C11orf65: variants seen among roughly 807,000 people sequenced by gnomAD.
The protein encoded by C11orf65 is chromosome 11 open reading frame 65.
A neutral mutation model predicts 35.3 loss-of-function variants in C11orf65; 38 were observed. That is an observed-to-expected ratio of 1.08 (90% confidence interval 0.83 to 1.41). C11orf65 has a LOEUF of 1.41. C11orf65 is among the 40% of genes most tolerant of loss of function. The pLI, the probability that C11orf65 is intolerant of heterozygous loss-of-function variation, is 0.00. For missense variants in C11orf65, 370 were observed against 367.1 expected (o/e 1.01, Z -0.06); for synonymous variants, 105 against 114.4 (o/e 0.92, Z 0.53).
At chr11:108,390,481 A>T (rs1384517397) in intron 7 of C11orf65, among the ~76,000 whole-genome samples, 1 of 152,202 alleles carries the variant, frequency 6.6e-6, no homozygotes, top group Non-Finnish European at 1.5e-5. Flanking sequence ...GACAGAATAT[A>T]GAATATCTGG....
At position 108,325,947 on chromosome 11, in the gene C11orf65, A is replaced by G. The variant is rs891367053; in HGVS notation, c.641-16876T>C. The G allele has an allele frequency of 5.3e-6, 7 of 1,319,872 alleles. No individual in the cohort carries two copies. The African/African-American group carries it at 7.3e-5, about 14-fold the overall frequency. 81.8% of individuals were successfully genotyped at this position (1,319,872 alleles called of 1,614,324 possible). A position where few individuals can be genotyped will look rare whatever the true frequency, so the allele number is the denominator to read the frequency against. ...AGAGGTCCTTAAGATAGTCCCTGACAAGTAGTTAAGTCCTCAATGAATGGT... is the reference window on the plus strand; with the variant it reads ...AGAGGTCCTTAAGATAGTCCCTGACGAGTAGTTAAGTCCTCAATGAATGGT... On this transcript the variant is annotated intron_variant, in intron 6 of 6. Transcript: ENST00000525729.
rs900439593 is a variant in C11orf65, at chr11:108,382,801, C to T, written c.*220G>A. ...TTACTTAAGTGTGACTGTTAGAATA[C>T]TACAGTTTCTCAGAATACTAGGAAT... is the stretch of plus-strand genomic sequence containing the variant. On this transcript the variant is annotated 3_prime_UTR_variant, in exon 9 of 9. Transcript: ENST00000393084. 2 of 983,796 alleles carry T rather than the reference C, an allele frequency of 2.0e-6. No individual in the cohort carries two copies. Among genetic ancestry groups the T allele is most frequent in the Non-Finnish European group, 2.4e-6 (2 of 828,606 alleles). The allele number at this position is 983,796 out of a possible 1,614,324, so 60.9% of individuals were successfully genotyped here. A position where few individuals can be genotyped will look rare whatever the true frequency, so the allele number is the denominator to read the frequency against.
At chr11:108,448,656 T>C (rs182885338) in intron 2 of C11orf65, among the ~76,000 whole-genome samples, 2 of 152,190 alleles carry the variant, frequency 1.3e-5, no homozygotes, top group Non-Finnish European at 2.9e-5. Flanking sequence ...GAGATATCTA[T>C]GACAATCCCA....
intron 2 of C11orf65, among the ~76,000 whole-genome samples, chr11:108,444,482 T>C (rs917169079): frequency 1.3e-5 from 2 of 152,082 alleles, no homozygotes; most frequent in African/African-American, 4.8e-5. Flanking sequence ...GCCAACATCA[T>C]CCTGACACCA....
chr11:108,353,715 A>G, intron 2 of C11orf65: 1 of 1,422,276 alleles, frequency 7.0e-7, no homozygotes, highest in Non-Finnish European at 9.9e-7. Context: ...AACTGGAAAG[A>G]AAGTAAATTA....
chr11:108,354,489 G>A (rs1485685567), intron 2 of C11orf65, among the ~76,000 whole-genome samples: 1 of 152,132 alleles, frequency 6.6e-6, no homozygotes, highest in Non-Finnish European at 1.5e-5. Flanking sequence ...ACTTGGATTG[G>A]GGCAGATTGC....
chr11:108,459,115 T>A (rs1233975755), intron 2 of C11orf65, among the ~76,000 whole-genome samples: 1 of 152,208 alleles, frequency 6.6e-6, no homozygotes, highest in Non-Finnish European at 1.5e-5. Context: ...AGTAGCCAGC[T>A]ATTAAGCAGG....
chr11:108,319,065 T>G (rs1460274566), intron 6 of C11orf65, among the ~76,000 whole-genome samples: 1 of 151,954 alleles, frequency 6.6e-6, no homozygotes, highest in Admixed American at 6.6e-5. Context: ...TAGTCCCAGC[T>G]GCTTGGGAGG....
chr11:108,461,521 A>T lies in C11orf65; in HGVS notation c.39T>A (p.Asp13Glu). ...WKEESEFTKQDKAARVIQQAW... is the reference protein window; with the variant it reads ...WKEESEFTKQEKAARVIQQAW... ...CCTGCTGAATGACTCTGGCAGCCTT[A>T]TCCTGCTTTGTAAATTCTGATTCCT... The change falls in exon 2 of 9, where the codon GAT (aspartate) becomes GAA (glutamate). Residue 13 changes from aspartate to glutamate, a missense_variant. By Grantham distance (45) the Asp-to-Glu change is conservative. Coordinates refer to ENST00000393084, the MANE Select transcript of C11orf65 (RefSeq NM_152587.5). 1 of 1,610,626 alleles carries T rather than the reference A, an allele frequency of 6.2e-7. No homozygotes were observed. The highest frequency in any genetic ancestry group is 2.2e-5 in the East Asian group (1 of 44,612).
At chr11:108,439,220 G>T (rs2093113006) in intron 2 of C11orf65, among the ~76,000 whole-genome samples, 1 of 151,914 alleles carries the variant, frequency 6.6e-6, no homozygotes, top group Non-Finnish European at 1.5e-5. Flanking sequence ...GGTCAATAAG[G>T]ACAAAAAAGA....
At chr11:108,363,075 A>G (rs953630473) in intron 2 of C11orf65, among the ~76,000 whole-genome samples, 5 of 152,126 alleles carry the variant, frequency 3.3e-5, no homozygotes, top group Admixed American at 6.5e-5. Flanking sequence ...AATTTCCCCA[A>G]ATCATTTGGT....
intron 2 of C11orf65, among the ~76,000 whole-genome samples, chr11:108,361,642 C>T (rs1268653358): frequency 6.6e-6 from 1 of 151,544 alleles, no homozygotes; most frequent in African/African-American, 2.4e-5. Context: ...GAAATAACGC[C>T]GCATGTCTAC....
intron 1 of C11orf65, 122 bp from the exon 2 acceptor site, chr11:108,461,690 C>A: frequency 1.6e-6 from 1 of 608,826 alleles, no homozygotes; most frequent in Non-Finnish European, 2.8e-6. Context: ...TGCAGTGGTG[C>A]GATGATAGCT....
intron 6 of C11orf65, among the ~76,000 whole-genome samples, chr11:108,325,865 G>C (rs1043882163): frequency 1.3e-5 from 2 of 152,096 alleles, no homozygotes; most frequent in African/African-American, 2.4e-5. Flanking sequence ...CATATAGAGA[G>C]AGACAGACAG....
At chr11:108,466,124 C>A (rs966033135) in intron 1 of C11orf65, among the ~76,000 whole-genome samples, 1 of 152,010 alleles carries the variant, frequency 6.6e-6, no homozygotes, top group African/African-American at 2.4e-5. Flanking sequence ...ATGGTAAAAC[C>A]TTTGAGTAGG....
intron 3 of C11orf65, among the ~76,000 whole-genome samples, chr11:108,334,719 ATTTAC>A (rs746896787): frequency 1.2e-4 from 18 of 152,078 alleles, no homozygotes; most frequent in Non-Finnish European, 2.4e-4. Flanking sequence ...GTTTTCCAAA[ATTTAC>A]TTTATGTTTT....
At chr11:108,464,618 C>T (rs911722210) in intron 1 of C11orf65, among the ~76,000 whole-genome samples, 5 of 152,132 alleles carry the variant, frequency 3.3e-5, no homozygotes, top group African/African-American at 1.2e-4. Context: ...CCTCGGCCTC[C>T]CAAAGCGCTG....
rs777746105 is a variant in C11orf65 at position 108,420,914 on chromosome 11, C to G, written c.174+10832G>C. Among the ~76,000 whole-genome samples the G allele has an allele frequency of 2.0e-4, 31 of 152,060 alleles. 1 individual carries two copies. Among genetic ancestry groups the G allele is most frequent in the Middle Eastern group, 3.2e-3 (1 of 316 alleles). On this transcript the variant is annotated intron_variant, in intron 3 of 8. Coordinates refer to ENST00000393084, the MANE Select transcript of C11orf65 (RefSeq NM_152587.5). Reference sequence around the variant, plus strand: ...ACAGGTGTGAGCTACCGCACCCGGCCAAAATTCCAATAGACTTTAAAAATA... The same window carrying G: ...ACAGGTGTGAGCTACCGCACCCGGCGAAAATTCCAATAGACTTTAAAAATA...
At chr11:108,394,367 G>A (rs227057) in intron 6 of C11orf65, among the ~76,000 whole-genome samples, 152,253 of 152,272 alleles carry the variant, frequency 1, 76,117 homozygotes, top group Non-Finnish European at 1. Context: ...GGAGTTTGAG[G>A]CCAGCCTGGG....
Sources: allele counts gnomAD v4.1 joint callset (sites outside exome capture counted in the v4.1 genomes callset), GRCh38; gene constraint gnomAD v4.1.1; transcripts MANE v1.5; gene names NCBI Gene and HGNC (gene_info 2026-07-23, HGNC 2026-07-21).